Variants in SEPTIN4 observed in about 807,000 individuals in gnomAD.
SEPTIN4 encodes the protein septin 4.
SEPTIN4 carries 52 observed loss-of-function variants against 107.1 expected under a neutral mutation model. The ratio of observed to expected loss-of-function variants is 0.49; its 90% CI spans 0.39 to 0.61. The LOEUF (loss-of-function observed/expected upper bound fraction) is 0.61, where lower values mean the gene tolerates loss of function less well. SEPTIN4 is among the 20% of genes least tolerant of loss of function. The probability of loss-of-function intolerance (pLI) is 0.00; values close to 1 mark genes in which losing one functional copy is unlikely to be tolerated. For synonymous variants in SEPTIN4, 417 were observed against 467.0 expected, an observed-to-expected ratio of 0.89 and a Z score of 1.38; for missense variants, 1,048 against 1,243.5, an observed-to-expected ratio of 0.84 and a Z score of 2.36.
chr17:58,524,022 T>C (rs1433637738), intron 7 of SEPTIN4, among the ~76,000 whole-genome samples: 2 of 152,148 alleles, frequency 1.3e-5, no homozygotes, highest in African/African-American at 4.8e-5. Flanking sequence ...AGTAGGTAAA[T>C]TGATTGAAGG....
chr17:58,541,709 CT>C, intron 2 of SEPTIN4: 1 of 1,389,246 alleles, frequency 7.2e-7, no homozygotes, highest in South Asian at 1.4e-5. Context: ...TAAAAGGAGA[CT>C]CTTGAAAATG....
At chr17:58,540,588 A>C in intron 3 of SEPTIN4, 78 bp downstream of exon 3, 1 of 1,182,744 alleles carries the variant, frequency 8.5e-7, no homozygotes. Flanking sequence ...GCCCACTCCC[A>C]TTACAGGACA....
chr17:58,525,035 G>A, intron 7 of SEPTIN4, 43 bp downstream of exon 7: 4 of 1,613,104 alleles, frequency 2.5e-6, no homozygotes, highest in Non-Finnish European at 3.4e-6. Flanking sequence ...GTATGGAGAA[G>A]GGTGGCTCAG....
At chr17:58,540,813 G>A in intron 2 of SEPTIN4, 140 bp from the exon 3 acceptor site, 1 of 817,558 alleles carries the variant, frequency 1.2e-6, no homozygotes, top group South Asian at 3.9e-5. Flanking sequence ...CCTTCCTAGT[G>A]CAAGTGGCCC....
rs1312567929 is a variant in SEPTIN4, at chr17:58,521,759, C to A, written c.2446G>T (p.Glu816Ter). Reference protein sequence around the residue: ...LAKADTLTPPEVDHKKRKIRE... With the variant: ...LAKADTLTPP ...ACTTTGCGTTTCTTGTGGTCCACTT[C>A]GGGAGGTGTCAGTGTGTCTGCCTTA... The change falls in exon 9 of 14, where the codon GAA becomes TAA. Residue 816 changes from glutamate to a stop codon, truncating the protein, a stop_gained. Coordinates refer to ENST00000672673, the MANE Select transcript of SEPTIN4 (RefSeq NM_001368771.2). LOFTEE classifies it high-confidence loss of function. The surrounding 1 kb of genome is among the most constrained non-coding windows in gnomAD (Gnocchi z 6.4). 1 of 1,614,230 alleles carries A rather than the reference C, an allele frequency of 6.2e-7. No individual in the cohort carries two copies. Among genetic ancestry groups the A allele is most frequent in the Non-Finnish European group, 8.5e-7 (1 of 1,180,036 alleles).
Position 58,526,171 on chromosome 17 carries a change from T to A in SEPTIN4, c.2005+49A>T, listed in dbSNP as rs113184190. 2.1e-5 allele frequency: 32 copies of A among 1,526,422 alleles called. No homozygotes were observed. In the African/African-American group the frequency reaches 2.8e-4, roughly 13 times the overall value. 94.6% of individuals were successfully genotyped at this position (1,526,422 alleles called of 1,614,324 possible). ...TTCCCACTCACGGACACACACACCA[T>A]CCCCACCTGAAACACACCCTGCCCA... On this transcript the variant is annotated intron_variant, in intron 5 of 13. Coordinates refer to ENST00000672673, the MANE Select transcript of SEPTIN4 (RefSeq NM_001368771.2).
chr17:58,535,984 G>A (rs1249411688), intron 3 of SEPTIN4, among the ~76,000 whole-genome samples: 1 of 152,096 alleles, frequency 6.6e-6, no homozygotes, highest in East Asian at 1.9e-4. Flanking sequence ...CCACCTCCCA[G>A]CCCCGTGGTT....
At chr17:58,540,546 C>A in intron 3 of SEPTIN4, 120 bp downstream of exon 3, 1 of 771,200 alleles carries the variant, frequency 1.3e-6, no homozygotes, top group East Asian at 3.4e-5. Flanking sequence ...ACAATCTGCC[C>A]AACCATAGGG....
In SEPTIN4 at chr17:58,521,362, T is replaced by G. The variant is rs761607304; in HGVS notation, c.2572-12A>C. On this transcript the variant is annotated splice_polypyrimidine_tract_variant and intron_variant, in intron 10 of 13. Transcript: ENST00000672673. The surrounding 1 kb of genome is among the most constrained non-coding windows in gnomAD (Gnocchi z 6.4). ...AATGGGATGCTTTCCTGGAAGAGGT[T>G]AGGGGTGCCTGTCAGCACCCTCTGT... is the stretch of plus-strand genomic sequence containing the variant. 1 of 1,612,720 alleles carries G rather than the reference T, an allele frequency of 6.2e-7. No individual in the cohort carries two copies. The highest frequency in any genetic ancestry group is 8.5e-7 in the Non-Finnish European group (1 of 1,178,742).
At chr17:58,529,213 C>T in intron 3 of SEPTIN4, 6 of 1,614,154 alleles carry the variant, frequency 3.7e-6, no homozygotes, top group Non-Finnish European at 5.1e-6. Context: ...AGCTCTAGGT[C>T]TAATTTTATC....
intron 4 of SEPTIN4, 84 bp from the exon 5 acceptor site, chr17:58,526,397 G>C (rs1327061315): frequency 1.4e-6 from 2 of 1,392,802 alleles, no homozygotes; most frequent in Non-Finnish European, 1.9e-6. Context: ...TCCCTTTCAG[G>C]CCTTTGCCCC....
At position 58,525,121 on chromosome 17, in the gene SEPTIN4, C is replaced by T; in HGVS notation, c.2173G>A (p.Val725Met). Residue 725 changes from valine to methionine, a missense_variant, in exon 7 of 14, where the codon GTG (valine) becomes ATG (methionine). Physicochemically the swap from Val to Met is conservative, Grantham distance 21. Around this residue, in one of 2 missense-constraint regions of SEPTIN4, gnomAD observed 261 missense variants for 371.7 expected, o/e 0.70. Transcript: ENST00000672673. The stretch of plus-strand genomic sequence containing the variant: ...GCATCCCCAAAACCTGGTGTGTCCA[C>T]AATGGTGAGCCGCAGCCTCACACCC... ...EKGVRLRLTI[V>M]DTPGFGDAVN... 6.2e-7 allele frequency: 1 copy of T among 1,614,236 alleles called. No individual in the cohort carries two copies. The highest frequency in any genetic ancestry group is 1.1e-5 in the South Asian group (1 of 91,088).
Position 58,526,836 on chromosome 17 carries a change from G to A in SEPTIN4, c.1757C>T (p.Ala586Val). The stretch of plus-strand genomic sequence containing the variant: ...CAGGTCATCATCATAGAGGTCCGGG[G>A]CCTGGGGCCTTGGCTCCGGGACTTG... ...RPQVPEPRPQ[A>V]PDLYDDDLEF... is the part of the protein sequence containing the mutation. Residue 586 changes from alanine to valine, a missense_variant, in exon 4 of 14, where the codon GCC becomes GTC. Coordinates refer to ENST00000672673, the MANE Select transcript of SEPTIN4 (RefSeq NM_001368771.2). 6.2e-7 allele frequency: 1 copy of A among 1,613,812 alleles called. No individual in the cohort carries two copies. Among genetic ancestry groups the A allele is most frequent in the South Asian group, 1.1e-5 (1 of 91,064 alleles).
chr17:58,525,391 G>A (rs971724083), intron 6 of SEPTIN4, 190 bp from the exon 7 acceptor site: 13 of 696,334 alleles, frequency 1.9e-5, no homozygotes, highest in African/African-American at 7.2e-5. Context: ...AGGAAATGCC[G>A]GTGGCTGTTG....
rs142981278 is a variant in SEPTIN4, at chr17:58,543,555, G to A, written c.632C>T (p.Thr211Met). 3.6e-5 allele frequency: 58 copies of A among 1,614,046 alleles called. No individual in the cohort carries two copies. Among genetic ancestry groups the A allele is most frequent in the African/African-American group, 2.5e-4 (19 of 74,918 alleles). The change falls in exon 1 of 14, where the codon ACG becomes ATG. Residue 211 changes from threonine (T) to methionine (M), a missense_variant. Physicochemically the swap from Thr to Met is moderately conservative, Grantham distance 81 (BLOSUM62 -1). Transcript: ENST00000672673. ...TGGAGATCTGATCTCACTAGTAGTC[G>A]TAATTCTTTGGATGGGCTCAGTTTG... ...AVQTEPIQRI[T>M]TTSEIRSPRS... is the part of the protein sequence containing the mutation.
In SEPTIN4 at chr17:58,525,677, G is replaced by A. The variant is rs1458810778; in HGVS notation, c.2092+18C>T. On this transcript the variant is annotated intron_variant, in intron 6 of 13. Transcript: ENST00000672673. ...TTTCCCAAGGCAAGTCTGCCTGATT[G>A]TCCTCTCCTTTCCTTACCTTCAGCA... 6.2e-7 allele frequency: 1 copy of A among 1,606,822 alleles called. No individual in the cohort carries two copies. The highest frequency in any genetic ancestry group is 2.2e-5 in the East Asian group (1 of 44,840).
At chr17:58,539,316 G>C in intron 3 of SEPTIN4, 1 of 632,222 alleles carries the variant, frequency 1.6e-6, no homozygotes, top group South Asian at 2.2e-5. Flanking sequence ...AGGGGATGAA[G>C]GTGGGGGAGA....
At chr17:58,526,157 G>T (rs1277874515) in intron 5 of SEPTIN4, 63 bp downstream of exon 5, 2 of 1,489,158 alleles carry the variant, frequency 1.3e-6, no homozygotes, top group Non-Finnish European at 1.8e-6. Context: ...TCCCACTCAC[G>T]GACACACACA....
chr17:58,542,073 G>T, intron 1 of SEPTIN4, 107 bp from the exon 2 acceptor site: 1 of 1,339,982 alleles, frequency 7.5e-7, no homozygotes, highest in Non-Finnish European at 1.0e-6. Context: ...CCACTCAAAG[G>T]TGCCCTCAGC....
Sources: allele counts gnomAD v4.1 joint callset (sites outside exome capture counted in the v4.1 genomes callset), GRCh38; gene constraint gnomAD v4.1.1; regional missense constraint gnomAD v4.1.1; non-coding constraint Gnocchi (gnomAD v3.1); transcripts MANE v1.5; gene names NCBI Gene and HGNC (gene_info 2026-07-23, HGNC 2026-07-21).